RBPJ: variants seen among roughly 807,000 people sequenced by gnomAD.
The protein encoded by RBPJ is recombining binding protein suppressor of hairless.
RBPJ carries 9 observed loss-of-function variants against 67.8 expected under a neutral mutation model. The observed-to-expected ratio is 0.13, with a 90% CI of 0.08 to 0.23. The LOEUF (loss-of-function observed/expected upper bound fraction) is 0.23, where lower values mean the gene tolerates loss of function less well. RBPJ is among the 10% of genes least tolerant of loss of function. The probability of loss-of-function intolerance (pLI) is 1.00; values close to 1 mark genes in which losing one functional copy is unlikely to be tolerated. For synonymous variants in RBPJ, 198 were observed against 203.3 expected, an observed-to-expected ratio of 0.97 and a Z score of 0.22; for missense variants, 305 against 595.6, an observed-to-expected ratio of 0.51 and a Z score of 5.08.
chr4:26,215,387 GAGAGAGGAAGGAA>G (rs1718677977), intron 1 of RBPJ, among the ~76,000 whole-genome samples: 7 of 38,356 alleles, frequency 1.8e-4, no homozygotes, highest in Admixed American at 3.0e-4. Flanking sequence ...GGGAGGGAGG[GAGAGAGGAAGGAA>G]GGGGGGGGAA....
At chr4:26,184,181 CAA>C (rs150415692) in intron 1 of RBPJ, among the ~76,000 whole-genome samples, 13 of 89,796 alleles carry the variant, frequency 1.4e-4, no homozygotes, top group Non-Finnish European at 1.4e-4. Context: ...GACTTCATCT[CAA>C]AAAAAAAAAA....
intron 1 of RBPJ, among the ~76,000 whole-genome samples, chr4:26,240,771 T>G (rs1196735239): frequency 6.6e-6 from 1 of 152,110 alleles, no homozygotes; most frequent in Non-Finnish European, 1.5e-5. Context: ...TGTGAAAAGG[T>G]TTTGGACTCT....
At position 26,302,879 on chromosome 4, in the gene RBPJ, C is replaced by T. The variant is rs28584939; in HGVS notation, c.-166-59567C>T. 7.4e-3 allele frequency among the ~76,000 whole-genome samples: 1,126 copies of T among 152,134 alleles called. 13 individuals are homozygous for T. The highest frequency in any genetic ancestry group is 0.025 in the African/African-American group (1,058 of 41,492). On this transcript the variant is annotated intron_variant, in intron 1 of 4. Coordinates refer to the RBPJ transcript ENST00000512351. Reference sequence around the variant, plus strand: ...CATCTGAAAGGCTGAGGAATCTTATCCTTGTCAGAAACATAATCTGGCTGG... The same window carrying T: ...CATCTGAAAGGCTGAGGAATCTTATTCTTGTCAGAAACATAATCTGGCTGG...
At chr4:26,231,914 C>A (rs546040626) in intron 1 of RBPJ, among the ~76,000 whole-genome samples, 7 of 150,200 alleles carry the variant, frequency 4.7e-5, no homozygotes, top group Non-Finnish European at 1.0e-4. Flanking sequence ...TTTTTTTAGA[C>A]AGAGTCTCAC....
chr4:26,263,909 C>G (rs1402571585), intron 1 of RBPJ, among the ~76,000 whole-genome samples: 1 of 148,136 alleles, frequency 6.8e-6, no homozygotes, highest in Non-Finnish European at 1.5e-5. Flanking sequence ...GAGTCTCGCT[C>G]TGTCCCCCAG....
chr4:26,126,204 C>T, the RBPJ span, among the ~76,000 whole-genome samples: 3 of 152,330 alleles, frequency 2.0e-5, no homozygotes, highest in East Asian at 5.8e-4. Flanking sequence ...GTGCCAGGCA[C>T]TAGGGATTTG....
At chr4:26,207,445 G>T (rs1387056471) in intron 1 of RBPJ, among the ~76,000 whole-genome samples, 1 of 152,182 alleles carries the variant, frequency 6.6e-6, no homozygotes, top group African/African-American at 2.4e-5. Context: ...ACACACGGTG[G>T]TGTTAGCTGA....
chr4:26,174,030 G>A (rs576308558), intron 1 of RBPJ, among the ~76,000 whole-genome samples: 16 of 152,314 alleles, frequency 1.1e-4, no homozygotes, highest in South Asian at 4.1e-4. Flanking sequence ...CAAGCAATGC[G>A]TTAGAAGTTA....
intron 1 of RBPJ, among the ~76,000 whole-genome samples, chr4:26,174,736 C>G (rs563384262): frequency 2.0e-5 from 3 of 152,240 alleles, no homozygotes; most frequent in South Asian, 4.1e-4. Flanking sequence ...TCCCAAAGTG[C>G]TAGGATTACA....
At chr4:26,289,384 CA>C (rs60159669) in intron 1 of RBPJ, among the ~76,000 whole-genome samples, 128 of 78,302 alleles carry the variant, frequency 1.6e-3, no homozygotes, top group African/African-American at 3.8e-3. Flanking sequence ...GACTTGGTCT[CA>C]AAAAAAAAAA....
At chr4:26,113,004 T>TC in the RBPJ span, 2 of 154,868 alleles carry the variant, frequency 1.3e-5, no homozygotes, top group Non-Finnish European at 2.9e-5. Flanking sequence ...TCCACCCACC[T>TC]GGCCTCCCAA....
intron 1 of RBPJ, among the ~76,000 whole-genome samples, chr4:26,202,376 C>T (rs1393443730): frequency 2.0e-5 from 3 of 151,742 alleles, no homozygotes; most frequent in Admixed American, 1.3e-4. Context: ...AGGCTGCCTA[C>T]TTGACACCTC....
At chr4:26,388,604 A>ACTCTCT (rs60945391) in intron 2 of RBPJ, among the ~76,000 whole-genome samples, 3 of 150,180 alleles carry the variant, frequency 2.0e-5, no homozygotes, top group Admixed American at 6.6e-5. Context: ...TTACACACAC[A>ACTCTCT]CTCTCTCTCT....
chr4:26,271,924 G>A (rs1354519974), intron 1 of RBPJ, among the ~76,000 whole-genome samples: 1 of 152,208 alleles, frequency 6.6e-6, no homozygotes, highest in East Asian at 1.9e-4. Flanking sequence ...CATGTGCACA[G>A]TGGGCACAGG....
At chr4:26,109,862 G>T in the RBPJ span, among the ~76,000 whole-genome samples, 1 of 151,582 alleles carries the variant, frequency 6.6e-6, no homozygotes, top group Non-Finnish European at 1.5e-5. Context: ...AACCAGACTT[G>T]CCAGAAAGCA....
intron 1 of RBPJ, among the ~76,000 whole-genome samples, chr4:26,325,047 C>T (rs570827818): frequency 7.9e-5 from 12 of 152,290 alleles, no homozygotes; most frequent in Middle Eastern, 3.4e-3. Flanking sequence ...TCTGTAGATA[C>T]GTATTGACTG....
At chr4:26,164,504 T>G (rs932127060) in intron 1 of RBPJ, among the ~76,000 whole-genome samples, 1 of 152,246 alleles carries the variant, frequency 6.6e-6, no homozygotes, top group Admixed American at 6.5e-5. Context: ...AAGCACTGTC[T>G]GCCAATTTTT....
chr4:26,316,572 C>A (rs902830975), upstream of RBPJ, among the ~76,000 whole-genome samples: 13 of 34,422 alleles, frequency 3.8e-4, no homozygotes, highest in Non-Finnish European at 5.5e-4. Context: ...TATACACATT[C>A]ATATATATAC....
intron 1 of RBPJ, among the ~76,000 whole-genome samples, chr4:26,202,071 C>T (rs939584024): frequency 1.3e-5 from 2 of 152,212 alleles, no homozygotes; most frequent in African/African-American, 4.8e-5. Flanking sequence ...TGCTTCTTCT[C>T]AGCACTTTGC....
Sources: gnomAD v4.1 joint callset for allele counts (sites outside exome capture counted in the v4.1 genomes callset) on GRCh38, gnomAD v4.1.1 for gene constraint, MANE v1.5 for transcripts, NCBI Gene and HGNC (gene_info 2026-07-23, HGNC 2026-07-21) for gene names.